Variants in ITGB5 observed in about 807,000 individuals in gnomAD.
ITGB5 encodes the protein integrin beta-5.
Under a neutral mutation model 84.8 loss-of-function variants are expected in ITGB5, and 38 were observed. That is an observed-to-expected ratio of 0.45 (90% CI 0.35 to 0.59). The LOEUF is 0.59. Among genes scored for constraint, ITGB5 ranks in the 20% least tolerant of loss-of-function variants. The pLI is 0.01. For missense variants in ITGB5, 905 were observed against 1,034.5 expected, an observed-to-expected ratio of 0.87 and a Z score of 1.72; for synonymous variants, 393 against 414.4, an observed-to-expected ratio of 0.95 and a Z score of 0.63.
chr3:124,807,386 A>G (rs1417241944), intron 9 of ITGB5, among the ~76,000 whole-genome samples: 1 of 152,212 alleles, frequency 6.6e-6, no homozygotes, highest in Non-Finnish European at 1.5e-5. Context: ...ACGGCACTCC[A>G]GCCTGGGTGA....
intron 3 of ITGB5, among the ~76,000 whole-genome samples, chr3:124,851,528 CT>C (rs1223095877): frequency 6.6e-6 from 1 of 151,886 alleles, no homozygotes; most frequent in Non-Finnish European, 1.5e-5. Flanking sequence ...ATATAGGTCC[CT>C]TTGTATCCTA....
intron 1 of ITGB5, among the ~76,000 whole-genome samples, chr3:124,898,369 C>T (rs1361500504): frequency 7.9e-5 from 12 of 151,866 alleles, no homozygotes; most frequent in Middle Eastern, 3.4e-3. Flanking sequence ...GACAGCCGGG[C>T]GCGGTGGCTC....
At chr3:124,873,294 C>A in intron 2 of ITGB5, 152 bp downstream of exon 2, 1 of 668,224 alleles carries the variant, frequency 1.5e-6, no homozygotes, top group South Asian at 1.7e-5. Context: ...TTGGATTTGT[C>A]ATCACTCTGC....
chr3:124,827,212 T>C (rs558619508), intron 5 of ITGB5, among the ~76,000 whole-genome samples: 32 of 152,340 alleles, frequency 2.1e-4, no homozygotes, highest in Admixed American at 1.9e-3. Flanking sequence ...CTTTGCTCTG[T>C]TCTAACTGTG....
rs1346156060 is a variant in ITGB5, at chr3:124,873,499, A to C, written c.103T>G (p.Ser35Ala). 6.2e-7 allele frequency: 1 copy of C among 1,613,724 alleles called. No individual in the cohort carries two copies. The highest frequency in any genetic ancestry group is 8.5e-7 in the Non-Finnish European group (1 of 1,179,834). The part of the protein sequence containing the change: ...LNICTSGSAT[S>A]CEECLLIHPK... ...TGGATTAGCAGACATTCTTCACATG[A>C]GGTGGCACTTCCACTAGTGCATATG... Residue 35 changes from serine (S) to alanine (A), a missense_variant, in exon 2 of 15, where the codon TCA becomes GCA. Physicochemically the swap from Ser to Ala is moderately conservative, Grantham distance 99. Around this residue, in one of 3 missense-constraint regions of ITGB5, gnomAD observed 656 missense variants for 734.7 expected, o/e 0.89. Transcript: ENST00000296181.
chr3:124,808,875 AGGCTT>A lies in ITGB5; in HGVS notation c.1263+142_1263+146del, dbSNP rs1369461052. 2.6e-5 allele frequency: 21 copies of A among 815,260 alleles called. No homozygotes were observed. The African/African-American group carries it at 3.6e-4, about 14-fold the overall frequency. The allele number at this position is 815,260 out of a possible 1,614,324, so 50.5% of individuals were successfully genotyped here. On this transcript the variant is annotated intron_variant, in intron 9 of 14. Transcript: ENST00000296181. ...AGACTCTGAACACATCATGCAAAACAGGCTTAGGAGACTCCTCTGGGATGCTGAAT... is the reference window on the plus strand; with the variant it reads ...AGACTCTGAACACATCATGCAAAACAAGGAGACTCCTCTGGGATGCTGAAT...
intron 14 of ITGB5, 29 bp downstream of exon 14, chr3:124,764,359 TCTC>T (rs754697811): frequency 4.4e-5 from 70 of 1,585,014 alleles, no homozygotes; most frequent in Non-Finnish European, 5.9e-5. Flanking sequence ...GAGCTTGAAG[TCTC>T]CTCTGCTTCC....
intron 10 of ITGB5, among the ~76,000 whole-genome samples, chr3:124,795,026 T>C (rs918631320): frequency 2.6e-5 from 4 of 152,120 alleles, no homozygotes; most frequent in Non-Finnish European, 5.9e-5. Context: ...TCACAAATGA[T>C]AGCACCCTCG....
At chr3:124,894,165 C>T (rs1465547880) in intron 1 of ITGB5, among the ~76,000 whole-genome samples, 4 of 79,048 alleles carry the variant, frequency 5.1e-5, no homozygotes, top group Admixed American at 1.5e-4. Flanking sequence ...GACAGAGTCT[C>T]GCTGTCACCC....
At chr3:124,894,368 T>G (rs908235030) in intron 1 of ITGB5, 5 of 152,044 alleles carry the variant, frequency 3.3e-5, no homozygotes, top group African/African-American at 1.2e-4. Context: ...CTCCTGACCT[T>G]GCGATCCGTC....
intron 9 of ITGB5, among the ~76,000 whole-genome samples, chr3:124,808,177 A>G (rs2064440391): frequency 6.6e-6 from 1 of 152,160 alleles, no homozygotes; most frequent in South Asian, 2.1e-4. Context: ...CATGAGTGCT[A>G]TGAATGCCAA....
intron 4 of ITGB5, among the ~76,000 whole-genome samples, chr3:124,843,150 C>T (rs1372270978): frequency 1.3e-5 from 2 of 152,186 alleles, no homozygotes; most frequent in African/African-American, 4.8e-5. Flanking sequence ...CTTTCCATTA[C>T]CTCCTCATTT....
intron 4 of ITGB5, among the ~76,000 whole-genome samples, chr3:124,846,170 G>A (rs2065075063): frequency 6.6e-6 from 1 of 152,164 alleles, no homozygotes; most frequent in Non-Finnish European, 1.5e-5. Flanking sequence ...GGATTCAGAA[G>A]AGCCTATGCC....
At chr3:124,871,873 T>C (rs946387243) in intron 2 of ITGB5, among the ~76,000 whole-genome samples, 23 of 144,254 alleles carry the variant, frequency 1.6e-4, no homozygotes, top group African/African-American at 5.6e-4. Flanking sequence ...AATAAATAAA[T>C]AAAAGAAGGA....
intron 10 of ITGB5, among the ~76,000 whole-genome samples, chr3:124,783,758 C>A (rs1285424914): frequency 6.6e-6 from 1 of 152,250 alleles, no homozygotes; most frequent in Non-Finnish European, 1.5e-5. Flanking sequence ...TCTCTTTTCT[C>A]TGGAAGAACA....
intron 13 of ITGB5, among the ~76,000 whole-genome samples, chr3:124,765,190 TC>T: frequency 6.6e-6 from 1 of 152,326 alleles, no homozygotes; most frequent in East Asian, 1.9e-4. Flanking sequence ...CAAATCTTTT[TC>T]TGCTCCACCC....
intron 10 of ITGB5, among the ~76,000 whole-genome samples, chr3:124,780,928 A>G (rs1455666175): frequency 1.3e-5 from 2 of 152,130 alleles, no homozygotes; most frequent in Admixed American, 1.3e-4. Flanking sequence ...TGTGTGTTCT[A>G]GCCAGCTCTG....
intron 1 of ITGB5, chr3:124,901,133 T>G (rs1935206681): frequency 6.6e-6 from 1 of 152,250 alleles, no homozygotes; most frequent in Non-Finnish European, 1.5e-5. Context: ...GGCTCACACC[T>G]GTAATCCCAG....
rs1411795565 is a variant in ITGB5 at position 124,762,089 on chromosome 3, T to A, written c.*1534A>T. On this transcript the variant is annotated 3_prime_UTR_variant, in exon 15 of 15. Transcript: ENST00000296181. The stretch of plus-strand genomic sequence containing the variant: ...ACCAAGTTACCAGGTCTCTGTTTCA[T>A]CATATTTACACAAGATGAAGGAAAC... 1 of 152,228 alleles carries A rather than the reference T, an allele frequency of 6.6e-6. No individual in the cohort carries two copies. Among genetic ancestry groups the A allele is most frequent in the African/African-American group, 2.4e-5 (1 of 41,458 alleles). The allele number at this position is 152,228 out of a possible 1,614,324, so 9.4% of individuals were successfully genotyped here. A position where few individuals can be genotyped will look rare whatever the true frequency, so the allele number is the denominator to read the frequency against.
Sources: gnomAD v4.1 joint callset for allele counts (sites outside exome capture counted in the v4.1 genomes callset) on GRCh38, gnomAD v4.1.1 for gene constraint, gnomAD v4.1.1 regional missense constraint, MANE v1.5 for transcripts, NCBI Gene and HGNC (gene_info 2026-07-23, HGNC 2026-07-21) for gene names.